Variants in FRK observed in about 807,000 individuals in gnomAD.
The protein encoded by FRK is tyrosine-protein kinase FRK.
FRK carries 51 observed loss-of-function variants against 56.4 expected under a neutral mutation model. That is an observed-to-expected ratio of 0.90 (90% CI 0.72 to 1.14). The LOEUF is 1.14. FRK is among the 50% of genes most tolerant of loss of function. The pLI is 0.00. For synonymous variants in FRK, 245 were observed against 217.9 expected (o/e 1.12, Z -1.10); for missense variants, 570 against 601.4 (o/e 0.95, Z 0.55).
chr6:116,016,483 G>C lies in FRK; in HGVS notation c.345-12485C>G, dbSNP rs555909672. Among the ~76,000 whole-genome samples, 3 of 152,210 alleles carry C rather than the reference G, an allele frequency of 2.0e-5. No individual in the cohort carries two copies. The East Asian group carries it at 5.8e-4, about 29-fold the overall frequency. On this transcript the variant is annotated intron_variant, in intron 1 of 7. Coordinates refer to ENST00000606080, the MANE Select transcript of FRK (RefSeq NM_002031.3). ...AAAAAATAATTTTAAAAACTATACTGTCTAATCTTAATCCATACATGACAC... is the reference window on the plus strand; with the variant it reads ...AAAAAATAATTTTAAAAACTATACTCTCTAATCTTAATCCATACATGACAC...
intron 1 of FRK, among the ~76,000 whole-genome samples, chr6:116,031,340 C>G (rs1035573422): frequency 2.0e-5 from 3 of 152,044 alleles, no homozygotes; most frequent in African/African-American, 7.2e-5. Flanking sequence ...ATTTGTTATA[C>G]ATATATCACC....
the FRK span, among the ~76,000 whole-genome samples, chr6:116,076,529 G>A: frequency 1.3e-5 from 2 of 152,054 alleles, no homozygotes; most frequent in Admixed American, 6.6e-5. Context: ...TAAAAGTATA[G>A]CAATGATAAG....
intron 1 of FRK, among the ~76,000 whole-genome samples, chr6:116,055,832 A>G (rs906978943): frequency 6.6e-5 from 10 of 152,202 alleles, no homozygotes; most frequent in African/African-American, 2.4e-4. Context: ...ATAAACAATA[A>G]ACTTTAGAGA....
In FRK at chr6:116,050,714, A is replaced by C. The variant is rs1053626493; in HGVS notation, c.344+9254T>G. Reference sequence around the variant, plus strand: ...TCTGGAGAAGAGTATTGTCTTATTAATTTTCATATCTCCCACTACACAAAA... The same window carrying C: ...TCTGGAGAAGAGTATTGTCTTATTACTTTTCATATCTCCCACTACACAAAA... On this transcript the variant is annotated intron_variant, in intron 1 of 7. Coordinates refer to ENST00000606080, the MANE Select transcript of FRK (RefSeq NM_002031.3). Among the ~76,000 whole-genome samples the C allele has an allele frequency of 7.2e-5, 11 of 152,202 alleles. 1 individual carries two copies. The highest frequency in any genetic ancestry group is 2.7e-4 in the African/African-American group (11 of 41,470).
intron 2 of FRK, among the ~76,000 whole-genome samples, chr6:115,989,757 G>A (rs1024402231): frequency 5.3e-5 from 8 of 151,854 alleles, no homozygotes; most frequent in Non-Finnish European, 1.0e-4. Flanking sequence ...TACAGGTGCA[G>A]GTGTCTTTTT....
intron 1 of FRK, among the ~76,000 whole-genome samples, chr6:116,023,191 AAG>A (rs1775945888): frequency 6.6e-6 from 1 of 152,194 alleles, no homozygotes; most frequent in Non-Finnish European, 1.5e-5. Flanking sequence ...CTCATATGTA[AAG>A]TCAAAATAGT....
chr6:116,095,732 G>A, the FRK span, among the ~76,000 whole-genome samples: 2 of 152,182 alleles, frequency 1.3e-5, no homozygotes, highest in African/African-American at 4.8e-5. Flanking sequence ...AATCTATCCA[G>A]TAAGGATAGT....
At chr6:115,962,411 C>T (rs1453203913) in intron 4 of FRK, among the ~76,000 whole-genome samples, 1 of 144,166 alleles carries the variant, frequency 6.9e-6, no homozygotes. Context: ...CCTGAGTGAC[C>T]TACAAAGAGA....
chr6:115,971,143 C>G (rs940268820), intron 2 of FRK, among the ~76,000 whole-genome samples: 1 of 152,110 alleles, frequency 6.6e-6, no homozygotes, highest in African/African-American at 2.4e-5. Context: ...TTTTGCTTCT[C>G]TTTATGAACA....
At chr6:115,980,594 G>A (rs148394999) in intron 2 of FRK, among the ~76,000 whole-genome samples, 50 of 152,190 alleles carry the variant, frequency 3.3e-4, no homozygotes, top group African/African-American at 1.2e-3. Flanking sequence ...CAAACCAACT[G>A]TAATAAAGTT....
intron 5 of FRK, among the ~76,000 whole-genome samples, chr6:115,948,514 T>C (rs913788470): frequency 1.3e-5 from 2 of 152,248 alleles, no homozygotes; most frequent in Non-Finnish European, 2.9e-5. Context: ...CATATTCTTC[T>C]GGCTGATTCT....
At chr6:116,059,632 A>G (rs147012962) in intron 1 of FRK, among the ~76,000 whole-genome samples, 298 of 152,364 alleles carry the variant, frequency 2.0e-3, no homozygotes, top group African/African-American at 6.7e-3. Flanking sequence ...TTTACCTTCA[A>G]ACAAAATGCA....
chr6:116,091,648 T>A, the FRK span, among the ~76,000 whole-genome samples: 1 of 152,280 alleles, frequency 6.6e-6, no homozygotes, highest in African/African-American at 2.4e-5. Context: ...GTCCTATTTT[T>A]CCTTAGAATT....
At chr6:116,093,234 A>C in the FRK span, among the ~76,000 whole-genome samples, 11 of 152,166 alleles carry the variant, frequency 7.2e-5, no homozygotes. Flanking sequence ...GGAAATAAGC[A>C]AAGAAATCTC....
At chr6:115,951,316 T>C (rs1469605822) in intron 5 of FRK, among the ~76,000 whole-genome samples, 1 of 152,240 alleles carries the variant, frequency 6.6e-6, no homozygotes, top group African/African-American at 2.4e-5. Flanking sequence ...ATATAGTTTA[T>C]TTCCAGTCAA....
chr6:116,100,186 GATT>G, the FRK span, among the ~76,000 whole-genome samples: 1 of 152,154 alleles, frequency 6.6e-6, no homozygotes, highest in Non-Finnish European at 1.5e-5. Context: ...AACAAAATAG[GATT>G]ATCAAGTAAT....
chr6:116,081,971 T>C, the FRK span, among the ~76,000 whole-genome samples: 3 of 152,138 alleles, frequency 2.0e-5, no homozygotes, highest in Non-Finnish European at 4.4e-5. Context: ...TATTAGAAGA[T>C]GGTTAAGTAC....
chr6:116,044,312 T>C (rs1776853150), intron 1 of FRK, among the ~76,000 whole-genome samples: 1 of 152,208 alleles, frequency 6.6e-6, no homozygotes, highest in South Asian at 2.1e-4. Flanking sequence ...ATATCCCTGA[T>C]TAACATCAAT....
At position 115,938,827 on chromosome 6, in the gene FRK, T is replaced by A. The variant is rs1379902828; in HGVS notation, c.*3587A>T. 1 of 152,138 alleles carries A rather than the reference T, an allele frequency of 6.6e-6. No individual in the cohort carries two copies. The highest frequency in any genetic ancestry group is 1.5e-5 in the Non-Finnish European group (1 of 68,034). The allele number at this position is 152,138 out of a possible 1,614,324, so 9.4% of individuals were successfully genotyped here. A position where few individuals can be genotyped will look rare whatever the true frequency, so the allele number is the denominator to read the frequency against. On this transcript the variant is annotated 3_prime_UTR_variant, in exon 8 of 8. Transcript: ENST00000606080. The stretch of plus-strand genomic sequence containing the variant: ...ACAAGTTCTGAAATTGAGGCAGTAA[T>A]TAATAGCCTACCAACCAAAAAAAGT...
Sources: allele counts gnomAD v4.1 joint callset (sites outside exome capture counted in the v4.1 genomes callset), GRCh38; gene constraint gnomAD v4.1.1; transcripts MANE v1.5; gene names NCBI Gene and HGNC (gene_info 2026-07-23, HGNC 2026-07-21).